Variants in ADAMTS17 observed in about 807,000 individuals in gnomAD.
ADAMTS17 encodes ADAM metallopeptidase with thrombospondin type 1 motif 17.
Under a neutral mutation model 141.5 loss-of-function variants are expected in ADAMTS17, and 113 were observed. The ratio of observed to expected loss-of-function variants is 0.80; its 90% CI spans 0.69 to 0.93. The LOEUF (loss-of-function observed/expected upper bound fraction) is 0.93, where lower values mean the gene tolerates loss of function less well. Among genes scored for constraint, ADAMTS17 ranks in the 40% least tolerant of loss-of-function variants. The pLI, the probability that ADAMTS17 is intolerant of heterozygous loss-of-function variation, is 0.00. For missense variants in ADAMTS17, 1,659 were observed against 1,517.9 expected (o/e 1.09, Z -1.54); for synonymous variants, 768 against 630.6 (o/e 1.22, Z -3.27).
intron 15 of ADAMTS17, among the ~76,000 whole-genome samples, chr15:100,084,485 AAG>A (rs1288089386): frequency 6.6e-6 from 1 of 152,208 alleles, no homozygotes; most frequent in Non-Finnish European, 1.5e-5. Flanking sequence ...GACAGCCTTG[AAG>A]AGAGTAGTAG....
chr15:100,174,527 G>A (rs537448548), intron 8 of ADAMTS17, among the ~76,000 whole-genome samples: 1 of 152,140 alleles, frequency 6.6e-6, no homozygotes, highest in African/African-American at 2.4e-5. Flanking sequence ...ATTGTTACTA[G>A]TATTTCGTTT....
chr15:100,314,931 G>A (rs1019881984), intron 3 of ADAMTS17, among the ~76,000 whole-genome samples: 8 of 152,192 alleles, frequency 5.3e-5, no homozygotes, highest in East Asian at 1.9e-4. Context: ...AAGAGGAGCC[G>A]ACCGTCCCTG....
At chr15:100,159,683 C>T (rs910765287) in intron 8 of ADAMTS17, among the ~76,000 whole-genome samples, 6 of 152,248 alleles carry the variant, frequency 3.9e-5, no homozygotes, top group African/African-American at 1.2e-4. Context: ...TTGCTATCTC[C>T]AGCCTTGGCA....
chr15:100,087,328 A>T (rs1346151839), intron 15 of ADAMTS17, among the ~76,000 whole-genome samples: 1 of 152,240 alleles, frequency 6.6e-6, no homozygotes, highest in Non-Finnish European at 1.5e-5. Context: ...ACAGGCTCAA[A>T]AATTTAGGCA....
At chr15:100,245,597 C>T (rs147052419) in intron 7 of ADAMTS17, among the ~76,000 whole-genome samples, 176 of 152,346 alleles carry the variant, frequency 1.2e-3, no homozygotes, top group African/African-American at 3.8e-3. Flanking sequence ...TAACCTTAGA[C>T]ACAACCCTGG....
intron 12 of ADAMTS17, among the ~76,000 whole-genome samples, chr15:100,125,848 G>T (rs533217370): frequency 3.3e-5 from 5 of 152,192 alleles, no homozygotes; most frequent in African/African-American, 1.2e-4. Flanking sequence ...AATTGTGTGT[G>T]GGGGGACTCT....
At chr15:100,277,650 C>T (rs528031259) in intron 4 of ADAMTS17, among the ~76,000 whole-genome samples, 50 of 152,260 alleles carry the variant, frequency 3.3e-4, no homozygotes, top group Non-Finnish European at 3.5e-4. Context: ...CGTCATTAAC[C>T]GGCCACCGGG....
intron 3 of ADAMTS17, among the ~76,000 whole-genome samples, chr15:100,319,578 G>A (rs2045667590): frequency 6.6e-6 from 1 of 152,134 alleles, no homozygotes; most frequent in African/African-American, 2.4e-5. Context: ...GGGCATGGTG[G>A]CACGCACCTG....
chr15:100,073,637 A>T (rs371877737), intron 15 of ADAMTS17, among the ~76,000 whole-genome samples: 1 of 151,884 alleles, frequency 6.6e-6, no homozygotes. Flanking sequence ...GCTGGAAACC[A>T]TCATTCTCAA....
intron 7 of ADAMTS17, among the ~76,000 whole-genome samples, chr15:100,224,837 C>G (rs368055677): frequency 2.6e-5 from 4 of 152,246 alleles, no homozygotes; most frequent in African/African-American, 9.6e-5. Context: ...TACTCTTTGT[C>G]AAAACAGGGC....
rs2141251782 is a variant in ADAMTS17, at chr15:99,973,709, T to C, written c.*693A>G. The C allele has an allele frequency of 6.4e-6, 1 of 156,400 alleles. No individual in the cohort carries two copies. Among genetic ancestry groups the C allele is most frequent in the South Asian group, 2.0e-4 (1 of 5,056 alleles). The allele number at this position is 156,400 out of a possible 1,614,324, so 9.7% of individuals were successfully genotyped here. A position where few individuals can be genotyped will look rare whatever the true frequency, so the allele number is the denominator to read the frequency against. On this transcript the variant is annotated 3_prime_UTR_variant, in exon 22 of 22. Coordinates refer to ENST00000268070, the MANE Select transcript of ADAMTS17 (RefSeq NM_139057.4). ...TAGATGCTTCCCCAAACCCAGACTC[T>C]CTTGGAACATTCTTCCCATGCGGGT...
chr15:100,114,072 G>C (rs549167854), intron 13 of ADAMTS17, among the ~76,000 whole-genome samples: 1 of 152,060 alleles, frequency 6.6e-6, no homozygotes, highest in African/African-American at 2.4e-5. Context: ...TTTCTAAGGA[G>C]GATCTTTGTC....
chr15:100,081,745 TTC>T (rs1479665023), intron 15 of ADAMTS17, among the ~76,000 whole-genome samples: 1 of 152,216 alleles, frequency 6.6e-6, no homozygotes, highest in African/African-American at 2.4e-5. Context: ...AAAATCAATC[TTC>T]TTAGTATTTG....
chr15:100,049,106 T>A, intron 17 of ADAMTS17, 114 bp from the exon 18 acceptor site: 1 of 1,470,072 alleles, frequency 6.8e-7, no homozygotes, highest in Non-Finnish European at 9.4e-7. Flanking sequence ...CTTGGTCATT[T>A]AAAGTGACTG....
At chr15:100,302,619 T>C (rs1242738510) in intron 3 of ADAMTS17, among the ~76,000 whole-genome samples, 1 of 152,222 alleles carries the variant, frequency 6.6e-6, no homozygotes, top group Non-Finnish European at 1.5e-5. Context: ...ATTGTAATTT[T>C]GATTTGCATT....
chr15:100,337,388 C>T (rs971241153), intron 2 of ADAMTS17, among the ~76,000 whole-genome samples: 1 of 152,194 alleles, frequency 6.6e-6, no homozygotes, highest in Non-Finnish European at 1.5e-5. Context: ...CCAGTGATTC[C>T]AAATAAGAGT....
chr15:100,173,375 T>C (rs1202836566), intron 8 of ADAMTS17, among the ~76,000 whole-genome samples: 1 of 152,126 alleles, frequency 6.6e-6, no homozygotes, highest in African/African-American at 2.4e-5. Flanking sequence ...ACAGTCGATT[T>C]ACAACCCAAA....
At chr15:100,203,117 C>T (rs941986012) in intron 7 of ADAMTS17, among the ~76,000 whole-genome samples, 3 of 152,228 alleles carry the variant, frequency 2.0e-5, no homozygotes, top group Non-Finnish European at 4.4e-5. Flanking sequence ...CCTTGCTTGG[C>T]AGGCATGACT....
chr15:100,127,884 CT>C (rs142561634), intron 12 of ADAMTS17, among the ~76,000 whole-genome samples: 5,195 of 143,758 alleles, frequency 0.036, 315 homozygotes, highest in African/African-American at 0.12. Context: ...GCTCGGCCCC[CT>C]GATAAAGTTT....
Sources: gnomAD v4.1 joint callset for allele counts (sites outside exome capture counted in the v4.1 genomes callset) on GRCh38, gnomAD v4.1.1 for gene constraint, MANE v1.5 for transcripts, NCBI Gene and HGNC (gene_info 2026-07-23, HGNC 2026-07-21) for gene names.